USP8: variants seen among roughly 807,000 people sequenced by gnomAD.
USP8 encodes the protein ubiquitin carboxyl-terminal hydrolase 8.
A neutral mutation model predicts 130.0 loss-of-function variants in USP8; 27 were observed. That is an observed-to-expected ratio of 0.21 (90% CI 0.15 to 0.29). USP8 has a LOEUF of 0.29. USP8 is among the 10% of genes least tolerant of loss of function. The pLI is 1.00. For missense variants in USP8, 1,029 were observed against 1,312.2 expected, an observed-to-expected ratio of 0.78 and a Z score of 3.33; for synonymous variants, 392 against 444.1, an observed-to-expected ratio of 0.88 and a Z score of 1.48.
Position 50,494,141 on chromosome 15 carries a change from G to A in USP8, c.2519G>A (p.Gly840Glu). ...ATAATCATGAAAGCCCTGTGGACAG[G>A]ACAGTATAGATATATCAGTCCAAAG... ...FGIIMKALWT[G>E]QYRYISPKDF... Residue 840 changes from glycine to glutamate, a missense_variant, in exon 16 of 20, where the codon GGA (glycine) becomes GAA (glutamate). Around this residue, in one of 4 missense-constraint regions of USP8, gnomAD observed 257 missense variants for 429.8 expected, o/e 0.60. Coordinates refer to ENST00000307179, the MANE Select transcript of USP8 (RefSeq NM_005154.5). 1 of 1,612,812 alleles carries A rather than the reference G, an allele frequency of 6.2e-7. No homozygotes were observed. The highest frequency in any genetic ancestry group is 1.1e-5 in the South Asian group (1 of 90,882).
intron 1 of USP8, among the ~76,000 whole-genome samples, chr15:50,429,548 A>T (rs2049861248): frequency 6.6e-6 from 1 of 152,124 alleles, no homozygotes; most frequent in South Asian, 2.1e-4. Context: ...AAAAATACCT[A>T]TGTGGGCAAG....
chr15:50,448,756 G>A (rs1323546706), intron 3 of USP8, among the ~76,000 whole-genome samples: 2 of 152,078 alleles, frequency 1.3e-5, no homozygotes, highest in African/African-American at 4.8e-5. Context: ...CTGTCCTCAA[G>A]TGATGTGCCC....
chr15:50,464,776 C>T (rs1399412641), intron 6 of USP8, among the ~76,000 whole-genome samples: 1 of 152,174 alleles, frequency 6.6e-6, no homozygotes, highest in Non-Finnish European at 1.5e-5. Flanking sequence ...ATCACTTGAA[C>T]CTGGGAGGTG....
Position 50,449,435 on chromosome 15 carries a change from C to T in USP8, c.285C>T (p.Ile95=). 6.3e-7 allele frequency: 1 copy of T among 1,597,234 alleles called. No individual in the cohort carries two copies. Among genetic ancestry groups the T allele is most frequent in the Non-Finnish European group, 8.5e-7 (1 of 1,170,702 alleles). ...YFHSILGPGN[I]KKAVEEAERL... ...ATTCAATACTTGGACCTGGAAACAT[C>T]AAAAAAGCTGTCGAAGAAGCTGAAA... Residue 95 remains isoleucine, a synonymous_variant, in exon 4 of 20, where the codon ATC becomes ATT. Transcript: ENST00000307179.
chr15:50,446,876 C>T (rs953618166), intron 3 of USP8, among the ~76,000 whole-genome samples: 3 of 152,202 alleles, frequency 2.0e-5, no homozygotes, highest in Non-Finnish European at 4.4e-5. Context: ...AGCTATCCAC[C>T]TGCTTTGGCC....
chr15:50,475,381 T>TGTTTTATGTTTTATGTTTTATG (rs1285505802), intron 8 of USP8, among the ~76,000 whole-genome samples: 5 of 152,088 alleles, frequency 3.3e-5, no homozygotes, highest in African/African-American at 4.8e-5. Flanking sequence ...CAAGATACCA[T>TGTTTTATGTTTTATGTTTTATG]TTTATGTTCA....
chr15:50,485,674 C>G (rs1447840558), intron 12 of USP8, among the ~76,000 whole-genome samples: 1 of 144,990 alleles, frequency 6.9e-6, no homozygotes, highest in Non-Finnish European at 1.5e-5. Flanking sequence ...TTAGTCTACC[C>G]TAAAGCCCAG....
At chr15:50,484,156 C>A in intron 11 of USP8, 119 bp from the exon 12 acceptor site, 2 of 673,204 alleles carry the variant, frequency 3.0e-6, no homozygotes, top group Non-Finnish European at 4.7e-6. Flanking sequence ...TTTTCAGAGG[C>A]CTTTTTTTTC....
intron 6 of USP8, 22 bp from the exon 7 acceptor site, chr15:50,465,025 C>T (rs1008632338): frequency 6.2e-7 from 1 of 1,611,390 alleles, no homozygotes; most frequent in Admixed American, 1.7e-5. Context: ...TTGTCACTTA[C>T]ACTGTCTCTC....
In USP8 at chr15:50,465,110, T is replaced by C; in HGVS notation, c.605T>C (p.Met202Thr). The C allele has an allele frequency of 6.2e-7, 1 of 1,614,124 alleles. No homozygotes were observed. The change falls in exon 7 of 20, where the codon ATG (methionine) becomes ACG (threonine). Residue 202 changes from methionine (M) to threonine (T), a missense_variant. Physicochemically the swap from Met to Thr is moderately conservative, Grantham distance 81. Transcript: ENST00000307179. Reference protein sequence around the residue: ...MTDKNISLIIMDARRMQDYQD... With the variant: ...MTDKNISLIITDARRMQDYQD... ...GATAAAAACATCAGCTTGATTATAA[T>C]GGATGCTCGAAGAATGCAGGATTAT...
At chr15:50,445,561 A>AAAAAAAAAAAAAAAAAAAAAAAAC (rs1480799522) in intron 3 of USP8, among the ~76,000 whole-genome samples, 1 of 130,900 alleles carries the variant, frequency 7.6e-6, no homozygotes, top group African/African-American at 2.8e-5. Context: ...AAAAAAAAAA[A>AAAAAAAAAAAAAAAAAAAAAAAAC]AAAAAAAAGC....
At chr15:50,453,971 C>G (rs1055151778) in intron 4 of USP8, among the ~76,000 whole-genome samples, 1 of 150,540 alleles carries the variant, frequency 6.6e-6, no homozygotes, top group African/African-American at 2.4e-5. Context: ...AAGCGATCCT[C>G]CCACCTCAGC....
At chr15:50,478,576 CTAAA>C (rs1219939885) in intron 10 of USP8, among the ~76,000 whole-genome samples, 1 of 152,114 alleles carries the variant, frequency 6.6e-6, no homozygotes, top group African/African-American at 2.4e-5. Context: ...AAATTGCAGA[CTAAA>C]TAGATGTGAT....
chr15:50,427,169 C>T (rs946532563), intron 1 of USP8, among the ~76,000 whole-genome samples: 4 of 152,108 alleles, frequency 2.6e-5, no homozygotes, highest in Non-Finnish European at 5.9e-5. Context: ...GATCTCTTGA[C>T]CTGTGATCCA....
intron 5 of USP8, among the ~76,000 whole-genome samples, chr15:50,461,456 C>CAA (rs71124356): frequency 0.04 from 4,333 of 108,408 alleles, 124 homozygotes; most frequent in Non-Finnish European, 0.055. Flanking sequence ...ACCCTATCTC[C>CAA]AAAAAAAAAA....
At chr15:50,438,454 C>G (rs981899543) in intron 1 of USP8, among the ~76,000 whole-genome samples, 1 of 152,174 alleles carries the variant, frequency 6.6e-6, no homozygotes, top group African/African-American at 2.4e-5. Flanking sequence ...GGCATGGTGG[C>G]GAACGCCTGG....
chr15:50,436,324 A>G (rs571303819), intron 1 of USP8, among the ~76,000 whole-genome samples: 28 of 147,330 alleles, frequency 1.9e-4, no homozygotes, highest in African/African-American at 6.5e-4. Context: ...CAAGACTCAA[A>G]TCAAATGTTG....
At chr15:50,486,294 G>A (rs916008743) in intron 12 of USP8, among the ~76,000 whole-genome samples, 2 of 151,910 alleles carry the variant, frequency 1.3e-5, no homozygotes, top group African/African-American at 4.8e-5. Context: ...GACCAGCCTG[G>A]GCAACATGGC....
chr15:50,444,923 A>G (rs1030912575), intron 3 of USP8, among the ~76,000 whole-genome samples: 6 of 151,766 alleles, frequency 4.0e-5, no homozygotes, highest in Non-Finnish European at 7.4e-5. Flanking sequence ...ACACCTGGCT[A>G]ATTTTTTAAT....
Sources: gnomAD v4.1 joint callset for allele counts (sites outside exome capture counted in the v4.1 genomes callset) on GRCh38, gnomAD v4.1.1 for gene constraint, gnomAD v4.1.1 regional missense constraint, MANE v1.5 for transcripts, NCBI Gene and HGNC (gene_info 2026-07-23, HGNC 2026-07-21) for gene names.